The following HPSE2 variants were observed in gnomAD, a reference collection of about 807,000 sequenced individuals.
The protein encoded by HPSE2 is inactive heparanase-2.
Under a neutral mutation model 60.5 loss-of-function variants are expected in HPSE2, and 38 were observed. That is an observed-to-expected ratio of 0.63 (90% CI 0.48 to 0.82). The LOEUF is 0.82. Among genes scored for constraint, HPSE2 ranks in the 40% least tolerant of loss-of-function variants. HPSE2 has a pLI of 0.00. For synonymous variants in HPSE2, 295 were observed against 293.2 expected (o/e 1.01, Z -0.06); for missense variants, 713 against 740.4 (o/e 0.96, Z 0.43).
intron 2 of HPSE2, among the ~76,000 whole-genome samples, chr10:99,184,522 CAAAAAAAAAAAAAAAAAAA>C (rs200059066): frequency 6.6e-5 from 4 of 60,786 alleles, no homozygotes; most frequent in African/African-American, 3.6e-4. Context: ...GAGACTGTCT[CAAAAAAAAAAAAAAAAAAA>C]AAAAAAAAAA....
At chr10:99,286,463 T>C in the HPSE2 span, among the ~76,000 whole-genome samples, 1 of 152,162 alleles carries the variant, frequency 6.6e-6, no homozygotes, top group African/African-American at 2.4e-5. Context: ...ATGATTCCAC[T>C]TATATGAAAT....
intron 9 of HPSE2, among the ~76,000 whole-genome samples, chr10:98,567,496 T>C (rs934814448): frequency 2.0e-5 from 3 of 152,184 alleles, no homozygotes; most frequent in Admixed American, 6.5e-5. Flanking sequence ...TGTTTTGTGG[T>C]TGGCTTTTGG....
chr10:99,123,405 C>T (rs1845035631), intron 3 of HPSE2, among the ~76,000 whole-genome samples: 1 of 152,094 alleles, frequency 6.6e-6, no homozygotes, highest in Non-Finnish European at 1.5e-5. Context: ...TTTTTAGCTG[C>T]TAGACTGAAA....
intron 2 of HPSE2, among the ~76,000 whole-genome samples, chr10:99,159,507 T>A (rs12572363): frequency 1.8e-4 from 27 of 151,992 alleles, no homozygotes; most frequent in African/African-American, 6.5e-4. Flanking sequence ...GAAGAAATGA[T>A]TGTATGTAAA....
intron 3 of HPSE2, among the ~76,000 whole-genome samples, chr10:98,940,912 T>C (rs1954976933): frequency 1.5e-5 from 2 of 130,916 alleles, no homozygotes; most frequent in African/African-American, 3.4e-5. Context: ...ATCCCTGGGA[T>C]GCAAGGCTGG....
At chr10:98,773,609 C>A (rs577245610) in intron 3 of HPSE2, among the ~76,000 whole-genome samples, 1 of 152,256 alleles carries the variant, frequency 6.6e-6, no homozygotes, top group South Asian at 2.1e-4. Flanking sequence ...AAAATCTCCA[C>A]TTCTAAAATT....
At chr10:98,945,589 A>G (rs1343143180) in intron 3 of HPSE2, among the ~76,000 whole-genome samples, 2 of 152,154 alleles carry the variant, frequency 1.3e-5, no homozygotes, top group African/African-American at 4.8e-5. Flanking sequence ...TTGCTATATA[A>G]TATTAAAAGC....
intron 9 of HPSE2, among the ~76,000 whole-genome samples, chr10:98,607,224 C>T (rs560236145): frequency 6.6e-6 from 1 of 152,216 alleles, no homozygotes; most frequent in Admixed American, 6.5e-5. Flanking sequence ...GCTGTCTGCA[C>T]GTTGCTTCAA....
chr10:98,492,824 C>G (rs563316130), intron 9 of HPSE2, among the ~76,000 whole-genome samples: 11 of 151,972 alleles, frequency 7.2e-5, no homozygotes, highest in Admixed American at 2.6e-4. Context: ...TGGGGAGATC[C>G]ACATAACATA....
intron 2 of HPSE2, among the ~76,000 whole-genome samples, chr10:99,224,783 A>C (rs986850746): frequency 2.6e-5 from 4 of 152,134 alleles, no homozygotes; most frequent in African/African-American, 9.6e-5. Flanking sequence ...TGTACAAAAA[A>C]AATTGATGAA....
At chr10:98,967,347 C>A (rs1054979719) in intron 3 of HPSE2, among the ~76,000 whole-genome samples, 4 of 152,210 alleles carry the variant, frequency 2.6e-5, no homozygotes, top group African/African-American at 9.6e-5. Context: ...TTCTTCTTCA[C>A]ACTTAATCCA....
chr10:98,933,916 T>G (rs1193667386), intron 3 of HPSE2, among the ~76,000 whole-genome samples: 1 of 142,124 alleles, frequency 7.0e-6, no homozygotes, highest in African/African-American at 2.9e-5. Flanking sequence ...GTATTTTTAG[T>G]AGAGACGGAG....
chr10:98,593,033 T>C (rs890552869), intron 9 of HPSE2, among the ~76,000 whole-genome samples: 2 of 152,228 alleles, frequency 1.3e-5, no homozygotes, highest in African/African-American at 4.8e-5. Context: ...TTAAAACTCA[T>C]TTCAATTTAA....
At chr10:98,662,475 T>A (rs1008444793) in intron 6 of HPSE2, among the ~76,000 whole-genome samples, 1 of 152,196 alleles carries the variant, frequency 6.6e-6, no homozygotes, top group East Asian at 1.9e-4. Context: ...AAATACTGCA[T>A]GTTCTCACTT....
chr10:98,799,407 C>T (rs546952375), intron 3 of HPSE2, among the ~76,000 whole-genome samples: 3 of 152,210 alleles, frequency 2.0e-5, no homozygotes, highest in African/African-American at 4.8e-5. Flanking sequence ...AAGGAAACAT[C>T]GGACTTCATC....
intron 3 of HPSE2, among the ~76,000 whole-genome samples, chr10:98,835,515 G>C (rs755931948): frequency 6.6e-6 from 1 of 151,904 alleles, no homozygotes; most frequent in Non-Finnish European, 1.5e-5. Flanking sequence ...TGCACAGAGG[G>C]GACTCAAGGT....
At chr10:98,962,545 A>G (rs372268762) in intron 3 of HPSE2, among the ~76,000 whole-genome samples, 17 of 150,518 alleles carry the variant, frequency 1.1e-4, no homozygotes, top group African/African-American at 3.9e-4. Context: ...CTCTCTCACC[A>G]CTCCTATTCA....
In HPSE2 at chr10:98,765,117, A is replaced by C. The variant is rs73325742; in HGVS notation, c.611-21061T>G. Among the ~76,000 whole-genome samples the C allele has an allele frequency of 5.0e-4, 76 of 152,334 alleles. 1 individual carries two copies. Among genetic ancestry groups the C allele is most frequent in the African/African-American group, 1.7e-3 (71 of 41,572 alleles). The stretch of plus-strand genomic sequence containing the variant: ...TTCAACACTTCTCTCTCAGTAATCA[A>C]TAGAACAAGTAGATGGAGACCTGAA... On this transcript the variant is annotated intron_variant, in intron 3 of 11. Coordinates refer to ENST00000370552, the MANE Select transcript of HPSE2 (RefSeq NM_021828.5).
intron 2 of HPSE2, among the ~76,000 whole-genome samples, chr10:99,175,087 T>C (rs1365253642): frequency 6.6e-6 from 1 of 152,122 alleles, no homozygotes; most frequent in African/African-American, 2.4e-5. Flanking sequence ...CCGGCCCAGA[T>C]ACTATGCTTT....
Sources: allele counts gnomAD v4.1 joint callset (sites outside exome capture counted in the v4.1 genomes callset), GRCh38; gene constraint gnomAD v4.1.1; transcripts MANE v1.5; gene names NCBI Gene and HGNC (gene_info 2026-07-23, HGNC 2026-07-21).